HS6ST3: variants seen among roughly 807,000 people sequenced by gnomAD.
HS6ST3 encodes the protein heparan sulfate 6-O-sulfotransferase 3, also known as heparan-sulfate 6-O-sulfotransferase 3.
In HS6ST3, 12 loss-of-function variants were observed where a neutral mutation model predicts 36.7. The observed-to-expected ratio is 0.33, with a 90% CI of 0.21 to 0.53. The LOEUF (loss-of-function observed/expected upper bound fraction) is 0.53, where lower values mean the gene tolerates loss of function less well. Among genes scored for constraint, HS6ST3 ranks in the 20% least tolerant of loss-of-function variants. HS6ST3 has a pLI of 0.95. For missense variants in HS6ST3, 584 were observed against 640.9 expected (o/e 0.91, Z 0.96); for synonymous variants, 240 against 257.5 (o/e 0.93, Z 0.65).
At position 96,651,148 on chromosome 13, in the gene HS6ST3, A is replaced by G. The variant is rs559631122; in HGVS notation, c.708-181342A>G. Among the ~76,000 whole-genome samples, 6 of 152,182 alleles carry G rather than the reference A, an allele frequency of 3.9e-5. No individual in the cohort carries two copies. In the South Asian group the frequency reaches 1.0e-3, roughly 26 times the overall value. Reference sequence around the variant, plus strand: ...AAAATTCTTTCCTTCTAATTTTTCTATCATCAATTATTTATTCAACAAATA... The same window carrying G: ...AAAATTCTTTCCTTCTAATTTTTCTGTCATCAATTATTTATTCAACAAATA... On this transcript the variant is annotated intron_variant, in intron 1 of 1. Coordinates refer to ENST00000376705, the MANE Select transcript of HS6ST3 (RefSeq NM_153456.4).
In HS6ST3 at chr13:96,270,095, A is replaced by G. The variant is rs537500966; in HGVS notation, c.707+178526A>G. On this transcript the variant is annotated intron_variant, in intron 1 of 1. Coordinates refer to ENST00000376705, the MANE Select transcript of HS6ST3 (RefSeq NM_153456.4). Reference sequence around the variant, plus strand: ...TTCTTTTCCCCAGATTCCACTCCCAATTTGTCTCTTTATATACCCATTCCT... The same window carrying G: ...TTCTTTTCCCCAGATTCCACTCCCAGTTTGTCTCTTTATATACCCATTCCT... Among the ~76,000 whole-genome samples, 27 of 151,830 alleles carry G rather than the reference A, an allele frequency of 1.8e-4. 1 individual carries two copies. The highest frequency in any genetic ancestry group is 6.3e-4 in the African/African-American group (26 of 41,284).
At chr13:96,629,491 T>A (rs2138999923) in intron 1 of HS6ST3, among the ~76,000 whole-genome samples, 1 of 152,334 alleles carries the variant, frequency 6.6e-6, no homozygotes, top group Middle Eastern at 3.4e-3. Context: ...GCCTTTGTTC[T>A]TGAACATTAG....
chr13:96,801,709 G>A (rs956012275), intron 1 of HS6ST3, among the ~76,000 whole-genome samples: 2 of 152,116 alleles, frequency 1.3e-5, no homozygotes, highest in South Asian at 2.1e-4. Context: ...CCATCTCCAC[G>A]CCTGTCCCTC....
At chr13:96,719,710 A>G (rs1258176383) in intron 1 of HS6ST3, among the ~76,000 whole-genome samples, 2 of 152,210 alleles carry the variant, frequency 1.3e-5, no homozygotes, top group East Asian at 3.8e-4. Flanking sequence ...GCTGTTGCTC[A>G]CAGGACTAAA....
chr13:96,672,726 G>C lies in HS6ST3; in HGVS notation c.708-159764G>C, dbSNP rs1407260690. ...CTTGGAATATCTGAATATGACTTTA[G>C]TTTACCCTTGTAAATAACTGATAAT... On this transcript the variant is annotated intron_variant, in intron 1 of 1. Transcript: ENST00000376705. Among the ~76,000 whole-genome samples, 8 of 152,088 alleles carry C rather than the reference G, an allele frequency of 5.3e-5. 1 individual carries two copies. Among genetic ancestry groups the C allele is most frequent in the Non-Finnish European group, 7.4e-5 (5 of 68,020 alleles).
chr13:96,623,536 C>G, intron 1 of HS6ST3, among the ~76,000 whole-genome samples: 1 of 151,940 alleles, frequency 6.6e-6, no homozygotes, highest in South Asian at 2.1e-4. Context: ...GTCTTGTTCA[C>G]GTTCAACCAA....
chr13:96,359,753 A>G (rs964491894), intron 1 of HS6ST3, among the ~76,000 whole-genome samples: 1 of 152,174 alleles, frequency 6.6e-6, no homozygotes, highest in Non-Finnish European at 1.5e-5. Flanking sequence ...AACATACTGC[A>G]GGCACTGAAA....
intron 1 of HS6ST3, among the ~76,000 whole-genome samples, chr13:96,211,365 C>T (rs1050406497): frequency 1.3e-5 from 2 of 152,202 alleles, no homozygotes; most frequent in Admixed American, 1.3e-4. Flanking sequence ...TGACTCCAAA[C>T]CATGGCCCAC....
At chr13:96,753,932 G>A (rs1208135903) in intron 1 of HS6ST3, among the ~76,000 whole-genome samples, 1 of 152,012 alleles carries the variant, frequency 6.6e-6, no homozygotes, top group South Asian at 2.1e-4. Flanking sequence ...CGATTCTCCT[G>A]CCTCAGCCTC....
chr13:96,463,623 C>G (rs1421147911), intron 1 of HS6ST3, among the ~76,000 whole-genome samples: 1 of 152,008 alleles, frequency 6.6e-6, no homozygotes, highest in Non-Finnish European at 1.5e-5. Context: ...CATATTAAAA[C>G]TAAGATATTG....
chr13:96,694,660 G>A (rs1052485418), intron 1 of HS6ST3, among the ~76,000 whole-genome samples: 3 of 152,078 alleles, frequency 2.0e-5, no homozygotes, highest in Non-Finnish European at 4.4e-5. Context: ...CCCAACAAGT[G>A]TATAAGTGTT....
At chr13:96,431,906 CTG>C (rs1430803104) in intron 1 of HS6ST3, among the ~76,000 whole-genome samples, 20 of 152,138 alleles carry the variant, frequency 1.3e-4, no homozygotes, top group Non-Finnish European at 1.8e-4. Flanking sequence ...TGGTCTATAC[CTG>C]TGTCTTTTCC....
At chr13:96,802,841 T>G (rs575584752) in intron 1 of HS6ST3, among the ~76,000 whole-genome samples, 10 of 152,310 alleles carry the variant, frequency 6.6e-5, no homozygotes, top group African/African-American at 2.4e-4. Context: ...TCCCATACTC[T>G]TTCCTATGGC....
intron 1 of HS6ST3, among the ~76,000 whole-genome samples, chr13:96,657,616 G>A (rs1312038405): frequency 1.3e-5 from 2 of 152,162 alleles, no homozygotes; most frequent in Non-Finnish European, 2.9e-5. Flanking sequence ...TTTGCTGTGA[G>A]TGATCATGGT....
At chr13:96,502,865 G>A (rs769573836) in intron 1 of HS6ST3, among the ~76,000 whole-genome samples, 2 of 152,112 alleles carry the variant, frequency 1.3e-5, no homozygotes, top group Non-Finnish European at 2.9e-5. Context: ...AACATCCTTA[G>A]TGTGGAAGAA....
intron 1 of HS6ST3, among the ~76,000 whole-genome samples, chr13:96,622,610 T>C (rs941569838): frequency 1.1e-3 from 34 of 30,540 alleles, no homozygotes; most frequent in Non-Finnish European, 2.2e-3. Flanking sequence ...TTTAAAACAA[T>C]TACTATAAAA....
At chr13:96,624,414 A>C (rs186302822) in intron 1 of HS6ST3, among the ~76,000 whole-genome samples, 26 of 152,312 alleles carry the variant, frequency 1.7e-4, no homozygotes, top group Admixed American at 1.6e-3. Context: ...ATATAAATGG[A>C]AGAATAGAGT....
intron 1 of HS6ST3, among the ~76,000 whole-genome samples, chr13:96,418,444 G>T (rs879895477): frequency 2.0e-5 from 3 of 152,154 alleles, no homozygotes; most frequent in Non-Finnish European, 4.4e-5. Context: ...CTTCTGTCTT[G>T]CTCAGTGAGT....
At chr13:96,388,774 G>T (rs543885632) in intron 1 of HS6ST3, among the ~76,000 whole-genome samples, 1 of 152,198 alleles carries the variant, frequency 6.6e-6, no homozygotes, top group African/African-American at 2.4e-5. Context: ...AGTCTCACTA[G>T]ACCTAATGGT....
Sources: allele counts gnomAD v4.1 joint callset (sites outside exome capture counted in the v4.1 genomes callset), GRCh38; gene constraint gnomAD v4.1.1; transcripts MANE v1.5; gene names NCBI Gene and HGNC (gene_info 2026-07-23, HGNC 2026-07-21).